Variants in ATXN7L1 observed in about 807,000 individuals in gnomAD.
ATXN7L1 encodes the protein ataxin 7 like 1.
ATXN7L1 carries 15 observed loss-of-function variants against 70.8 expected under a neutral mutation model. That is an observed-to-expected ratio of 0.21 (90% CI 0.14 to 0.33). The LOEUF (loss-of-function observed/expected upper bound fraction) is 0.33. ATXN7L1 is among the 10% of genes least tolerant of loss of function. The pLI is 1.00. For missense variants in ATXN7L1, 975 were observed against 1,097.1 expected (o/e 0.89, Z 1.57); for synonymous variants, 440 against 445.1 (o/e 0.99, Z 0.14).
At chr7:105,768,493 C>T (rs1801568768) in intron 3 of ATXN7L1, among the ~76,000 whole-genome samples, 1 of 151,844 alleles carries the variant, frequency 6.6e-6, no homozygotes. Flanking sequence ...TCTCAGAATA[C>T]TAACAAGCGA....
intron 2 of ATXN7L1, among the ~76,000 whole-genome samples, chr7:105,801,412 T>C (rs985572386): frequency 6.6e-6 from 1 of 152,190 alleles, no homozygotes; most frequent in African/African-American, 2.4e-5. Flanking sequence ...CTCTGGGGTA[T>C]GGAGTCGAGC....
At chr7:105,785,621 C>A (rs970106376) in intron 3 of ATXN7L1, among the ~76,000 whole-genome samples, 1 of 152,018 alleles carries the variant, frequency 6.6e-6, no homozygotes, top group Non-Finnish European at 1.5e-5. Context: ...TTGCTATGGA[C>A]TGAATGTTTG....
At chr7:105,784,966 T>C (rs963573502) in intron 3 of ATXN7L1, among the ~76,000 whole-genome samples, 1 of 152,210 alleles carries the variant, frequency 6.6e-6, no homozygotes, top group African/African-American at 2.4e-5. Context: ...CCTCAACAGC[T>C]CTGCTTCCCA....
intron 2 of ATXN7L1, among the ~76,000 whole-genome samples, chr7:105,830,495 T>A (rs1295518512): frequency 6.6e-6 from 1 of 152,254 alleles, no homozygotes; most frequent in Non-Finnish European, 1.5e-5. Context: ...TGTCACTGTG[T>A]AGGAAATGTT....
intron 2 of ATXN7L1, among the ~76,000 whole-genome samples, chr7:105,837,906 T>C (rs1052815866): frequency 6.6e-6 from 1 of 152,014 alleles, no homozygotes. Context: ...ACACTACACA[T>C]GTGCGCTCGC....
intron 7 of ATXN7L1, among the ~76,000 whole-genome samples, chr7:105,633,644 C>T (rs118096301): frequency 0.034 from 5,178 of 152,098 alleles, 137 homozygotes; most frequent in East Asian, 0.12. Context: ...CGCTTGAATC[C>T]GTGAGGTGGA....
At chr7:105,759,484 G>GTGTGTGTGTGTGTGTGTGTGTGTT (rs1554453050) in intron 3 of ATXN7L1, among the ~76,000 whole-genome samples, 1 of 135,626 alleles carries the variant, frequency 7.4e-6, no homozygotes, top group South Asian at 2.4e-4. Flanking sequence ...GTGTGTGTGT[G>GTGTGTGTGTGTGTGTGTGTGTGTT]TGTGTGTATG....
chr7:105,651,660 C>T (rs1302975805), intron 4 of ATXN7L1, among the ~76,000 whole-genome samples: 1 of 152,202 alleles, frequency 6.6e-6, no homozygotes, highest in African/African-American at 2.4e-5. Context: ...CAGGACCTGT[C>T]AGCCCTACTT....
rs988235765 is a variant in ATXN7L1, at chr7:105,657,690, G to A, written c.578+7376C>T. Reference sequence around the variant, plus strand: ...CCAGCCGCAGCCTGGGTGACAGAGTGAGACCCTGTCTCAAAAAAAAAAAAA... The same window carrying A: ...CCAGCCGCAGCCTGGGTGACAGAGTAAGACCCTGTCTCAAAAAAAAAAAAA... On this transcript the variant is annotated intron_variant, in intron 4 of 11. Transcript: ENST00000419735. 6.5e-5 allele frequency among the ~76,000 whole-genome samples: 7 copies of A among 107,918 alleles called. 1 individual carries two copies. Among genetic ancestry groups the A allele is most frequent in the African/African-American group, 2.6e-4 (7 of 26,670 alleles). The allele number at this position is 107,918 out of a possible 152,430, so 70.8% of individuals were successfully genotyped here. A position where few individuals can be genotyped will look rare whatever the true frequency, so the allele number is the denominator to read the frequency against.
intron 9 of ATXN7L1, among the ~76,000 whole-genome samples, chr7:105,619,526 ATATATTTTTT>A (rs1794583881): frequency 6.1e-5 from 1 of 16,452 alleles, no homozygotes; most frequent in African/African-American, 2.7e-4. Context: ...ATATATATAT[ATATATTTTTT>A]TTTTTTTTTT....
At chr7:105,819,372 A>G (rs1362713532) in intron 2 of ATXN7L1, 2 of 475,122 alleles carry the variant, frequency 4.2e-6, no homozygotes, top group Admixed American at 3.4e-5. Flanking sequence ...AAAAATCTGT[A>G]TATGCTGGAT....
At chr7:105,717,153 G>T (rs1295255532) in intron 3 of ATXN7L1, among the ~76,000 whole-genome samples, 1 of 151,758 alleles carries the variant, frequency 6.6e-6, no homozygotes, top group Non-Finnish European at 1.5e-5. Flanking sequence ...TTTGAGATGG[G>T]GTCTCGCTCT....
intron 3 of ATXN7L1, among the ~76,000 whole-genome samples, chr7:105,745,796 G>A (rs1798524387): frequency 6.6e-6 from 1 of 152,214 alleles, no homozygotes; most frequent in Admixed American, 6.5e-5. Context: ...ATGTCAGGAA[G>A]CTGCTCTAAT....
intron 7 of ATXN7L1, among the ~76,000 whole-genome samples, chr7:105,629,953 G>T (rs1194272767): frequency 6.6e-6 from 1 of 152,132 alleles, no homozygotes; most frequent in Non-Finnish European, 1.5e-5. Context: ...AAGTAGCTGG[G>T]ATTACAGGCA....
At chr7:105,638,144 T>C (rs1797655842) in intron 7 of ATXN7L1, among the ~76,000 whole-genome samples, 2 of 152,224 alleles carry the variant, frequency 1.3e-5, no homozygotes, top group African/African-American at 4.8e-5. Context: ...ATAATAATGA[T>C]GACAGCAGTA....
chr7:105,649,218 C>G (rs1244624314), intron 4 of ATXN7L1, among the ~76,000 whole-genome samples: 1 of 152,172 alleles, frequency 6.6e-6, no homozygotes, highest in East Asian at 1.9e-4. Flanking sequence ...TTCATAATGC[C>G]TGTTTTGTTC....
rs1792745181 is a variant in ATXN7L1, at chr7:105,605,941, A to T, written c.*1911T>A. On this transcript the variant is annotated 3_prime_UTR_variant, in exon 12 of 12. Coordinates refer to ENST00000419735, the MANE Select transcript of ATXN7L1 (RefSeq NM_020725.2). ...ATAGTAAAACATAAATTATTACAAA[A>T]TTAACACTATAAAAATTTACTTTAA... The T allele has an allele frequency of 6.6e-6, 1 of 152,178 alleles. No homozygotes were observed. The highest frequency in any genetic ancestry group is 6.5e-5 in the Admixed American group (1 of 15,280). The allele number at this position is 152,178 out of a possible 1,614,324, so 9.4% of individuals were successfully genotyped here.
At chr7:105,643,185 C>G in intron 4 of ATXN7L1, 64 bp from the exon 5 acceptor site, 1 of 1,425,698 alleles carries the variant, frequency 7.0e-7, no homozygotes, top group Non-Finnish European at 9.3e-7. Flanking sequence ...TGCTGAGGAA[C>G]CATACCCGCT....
chr7:105,803,432 A>G (rs1277820169), intron 2 of ATXN7L1, among the ~76,000 whole-genome samples: 1 of 152,228 alleles, frequency 6.6e-6, no homozygotes, highest in Non-Finnish European at 1.5e-5. Flanking sequence ...GGACGGCTCC[A>G]GCCCTGGCTG....
Sources: allele counts gnomAD v4.1 joint callset (sites outside exome capture counted in the v4.1 genomes callset), GRCh38; gene constraint gnomAD v4.1.1; transcripts MANE v1.5; gene names NCBI Gene and HGNC (gene_info 2026-07-23, HGNC 2026-07-21).